Variants in GPM6B observed in about 807,000 individuals in gnomAD.
GPM6B encodes the protein neuronal membrane glycoprotein M6-b.
In GPM6B, 4 loss-of-function variants were observed where a neutral mutation model predicts 27.2. That is an observed-to-expected ratio of 0.15 (90% CI 0.07 to 0.34). The LOEUF is 0.34. Among genes scored for constraint, GPM6B ranks in the 10% least tolerant of loss-of-function variants. GPM6B has a pLI of 1.00. For synonymous variants in GPM6B, 124 were observed against 103.1 expected (o/e 1.20, Z -1.23); for missense variants, 183 against 261.9 (o/e 0.70, Z 2.08).
chrX:13,924,296 T>A (rs532255295), intron 1 of GPM6B, among the ~76,000 whole-genome samples: 10 of 111,746 alleles, frequency 8.9e-5, no homozygotes, highest in African/African-American at 3.2e-4. Flanking sequence ...CGATCCTTTA[T>A]TTTTTATTTT....
intron 2 of GPM6B, among the ~76,000 whole-genome samples, chrX:13,796,558 G>A (rs1033658461): frequency 8.9e-6 from 1 of 112,263 alleles, no homozygotes; most frequent in African/African-American, 3.2e-5. Context: ...AACAAAGTGC[G>A]AAATCAAATA....
chrX:13,825,332 G>A (rs1224618170), intron 1 of GPM6B, among the ~76,000 whole-genome samples: 1 of 112,107 alleles, frequency 8.9e-6, no homozygotes, highest in Non-Finnish European at 1.9e-5. Flanking sequence ...AGACTTGAGC[G>A]TTACCACCAG....
At chrX:13,862,029 G>A (rs1039635544) in intron 1 of GPM6B, among the ~76,000 whole-genome samples, 7 of 111,067 alleles carry the variant, frequency 6.3e-5, no homozygotes, top group African/African-American at 2.3e-4. Context: ...AGGTGAGTGT[G>A]AATGAGTGTA....
At chrX:13,860,366 T>C in intron 1 of GPM6B, among the ~76,000 whole-genome samples, 1 of 110,591 alleles carries the variant, frequency 9.0e-6, no homozygotes, top group South Asian at 3.9e-4. Context: ...TGGTGAAAGA[T>C]TCAGTATAAG....
chrX:13,828,292 T>G (rs948154752), intron 1 of GPM6B, among the ~76,000 whole-genome samples: 1 of 110,747 alleles, frequency 9.0e-6, no homozygotes, highest in Non-Finnish European at 1.9e-5. Context: ...AATTAATGTG[T>G]TAATGGATGA....
intron 1 of GPM6B, among the ~76,000 whole-genome samples, chrX:13,810,167 T>G (rs1401157011): frequency 9.0e-6 from 1 of 111,173 alleles, no homozygotes; most frequent in Non-Finnish European, 1.9e-5. Context: ...GATTTTTGCT[T>G]TACTGTTCAG....
intron 3 of GPM6B, among the ~76,000 whole-genome samples, chrX:13,785,384 C>A (rs770763125): frequency 4.8e-4 from 54 of 111,355 alleles, no homozygotes; most frequent in African/African-American, 1.6e-3. Context: ...CTGGGTTCAA[C>A]TGGTTCTCCT....
chrX:13,938,263 G>C, intron 1 of GPM6B: 1 of 260,841 alleles, frequency 3.8e-6, no homozygotes. Flanking sequence ...ACGTGCGGGG[G>C]TGCAGCCTGG....
chrX:13,842,440 A>G lies in GPM6B; in HGVS notation c.-197-56632T>C, dbSNP rs189832603. Reference sequence around the variant, plus strand: ...TTACGTCGGTAGGAGCTCAGTGCATAGAAACACTAAGTAGTTCTCAATTTC... The same window carrying G: ...TTACGTCGGTAGGAGCTCAGTGCATGGAAACACTAAGTAGTTCTCAATTTC... On this transcript the variant is annotated intron_variant, in intron 1 of 6. Transcript: ENST00000398361. Among the ~76,000 whole-genome samples the G allele has an allele frequency of 5.4e-5, 6 of 111,902 alleles. No homozygotes were observed. In the East Asian group the frequency reaches 1.7e-3, roughly 31 times the overall value.
At chrX:13,808,799 A>T (rs999732884) in intron 1 of GPM6B, among the ~76,000 whole-genome samples, 12 of 111,715 alleles carry the variant, frequency 1.1e-4, no homozygotes, top group Non-Finnish European at 1.9e-5. Context: ...GGCAAGTAAA[A>T]CCTCACAAAG....
chrX:13,839,377 A>T (rs2049544460), intron 1 of GPM6B, among the ~76,000 whole-genome samples: 1 of 111,788 alleles, frequency 8.9e-6, no homozygotes, highest in South Asian at 3.7e-4. Flanking sequence ...AATGTTTAAA[A>T]TCAAGCTATT....
At chrX:13,889,942 T>C (rs1225244620) in intron 1 of GPM6B, among the ~76,000 whole-genome samples, 3 of 111,119 alleles carry the variant, frequency 2.7e-5, no homozygotes, top group Non-Finnish European at 5.7e-5. Flanking sequence ...TAGTGTGTTG[T>C]AAAACAGAAT....
intron 1 of GPM6B, among the ~76,000 whole-genome samples, chrX:13,850,442 C>T (rs1207042544): frequency 1.2e-4 from 13 of 112,622 alleles, no homozygotes; most frequent in Non-Finnish European, 1.9e-4. Flanking sequence ...TCAAATAAAC[C>T]TCTTTTCTTA....
intron 1 of GPM6B, among the ~76,000 whole-genome samples, chrX:13,867,614 C>T (rs754998800): frequency 2.5e-4 from 28 of 111,993 alleles, no homozygotes; most frequent in South Asian, 3.7e-4. Context: ...AAGTTATACA[C>T]ATCTTCGTGA....
chrX:13,842,939 A>AAT (rs2049596892), intron 1 of GPM6B, among the ~76,000 whole-genome samples: 1 of 111,713 alleles, frequency 9.0e-6, no homozygotes, highest in Admixed American at 9.5e-5. Context: ...TATCATTGAC[A>AAT]TACCATACAA....
intron 4 of GPM6B, among the ~76,000 whole-genome samples, chrX:13,783,130 C>G (rs1386956296): frequency 8.9e-6 from 1 of 112,585 alleles, no homozygotes; most frequent in African/African-American, 3.2e-5. Flanking sequence ...CCCTTTTCAC[C>G]TTTACACTGA....
chrX:13,773,305 G>A lies in GPM6B; in HGVS notation c.838-275C>T, dbSNP rs1452112614. 2.1e-5 allele frequency: 4 copies of A among 192,295 alleles called. No homozygotes were observed. The East Asian group carries it at 2.6e-4, about 13-fold the overall frequency. 15.8% of individuals were successfully genotyped at this position (192,295 alleles called of 1,213,427 possible). A position where few individuals can be genotyped will look rare whatever the true frequency, so the allele number is the denominator to read the frequency against. On this transcript the variant is annotated intron_variant, in intron 7 of 7. Transcript: ENST00000316715. Reference sequence around the variant, plus strand: ...GAAAAAGCAAAAATGAAATACGAGAGGGTGCTTTTTTTTTTTTTTTTAATA... The same window carrying A: ...GAAAAAGCAAAAATGAAATACGAGAAGGTGCTTTTTTTTTTTTTTTTAATA...
At chrX:13,897,454 GCTA>G (rs2050243907) in intron 1 of GPM6B, among the ~76,000 whole-genome samples, 1 of 111,615 alleles carries the variant, frequency 9.0e-6, no homozygotes, top group African/African-American at 3.3e-5. Context: ...TTTATCTCTT[GCTA>G]CTGTTTTAAA....
At chrX:13,819,727 A>T (rs759363756), upstream of GPM6B, among the ~76,000 whole-genome samples, 6 of 111,690 alleles carry the variant, frequency 5.4e-5, no homozygotes, top group Non-Finnish European at 1.1e-4. Flanking sequence ...TCTCCAGGTA[A>T]CCCACGGCTA....
Sources: gnomAD v4.1 joint callset for allele counts (sites outside exome capture counted in the v4.1 genomes callset) on GRCh38, gnomAD v4.1.1 for gene constraint, MANE v1.5 for transcripts, NCBI Gene and HGNC (gene_info 2026-07-23, HGNC 2026-07-21) for gene names.